The following IMPACT variants were observed in gnomAD, a reference collection of about 807,000 sequenced individuals.
IMPACT encodes protein IMPACT.
In IMPACT, 35 loss-of-function variants were observed where a neutral mutation model predicts 47.5. The observed-to-expected ratio is 0.74, with a 90% CI of 0.56 to 0.98. IMPACT has a LOEUF of 0.98. Among genes scored for constraint, IMPACT ranks in the 50% least tolerant of loss-of-function variants. The pLI, the probability that IMPACT is intolerant of heterozygous loss-of-function variation, is 0.00. For missense variants in IMPACT, 373 were observed against 394.8 expected (o/e 0.94, Z 0.47); for synonymous variants, 118 against 125.6 (o/e 0.94, Z 0.40).
intron 4 of IMPACT, among the ~76,000 whole-genome samples, chr18:24,437,127 T>G (rs909678036): frequency 2.6e-5 from 4 of 152,166 alleles, no homozygotes; most frequent in Admixed American, 1.3e-4. Context: ...TAAAGAGAGA[T>G]AATGGTTTCA....
At position 24,452,655 on chromosome 18, in the gene IMPACT, C is replaced by G. The variant is rs1305120578; in HGVS notation, c.*1808C>G. Reference sequence around the variant, plus strand: ...GAACTTGGAGCTACTTCACACTCTACTCTTAATGGAAACTTGAACTAATGA... The same window carrying G: ...GAACTTGGAGCTACTTCACACTCTAGTCTTAATGGAAACTTGAACTAATGA... On this transcript the variant is annotated 3_prime_UTR_variant, in exon 11 of 11. Transcript: ENST00000284202. 2.0e-5 allele frequency: 3 copies of G among 152,150 alleles called. No homozygotes were observed. The highest frequency in any genetic ancestry group is 6.5e-5 in the Admixed American group (1 of 15,276). 9.4% of individuals were successfully genotyped at this position (152,150 alleles called of 1,614,324 possible).
chr18:24,445,445 C>G lies in IMPACT; in HGVS notation c.647C>G (p.Thr216Ser). ...GAGAATAAGAAAATAGCTAGTGCCA[C>G]CCACAACATCTATGCCTACAGGTGA... ...LYENKKIASA[T>S]HNIYAYRIYC... Residue 216 changes from threonine to serine, a missense_variant, in exon 8 of 11, where the codon ACC becomes AGC. Physicochemically the swap from Thr to Ser is moderately conservative, Grantham distance 58 (BLOSUM62 1). Transcript: ENST00000284202. 3 of 1,605,042 alleles carry G rather than the reference C, an allele frequency of 1.9e-6. No homozygotes were observed. The highest frequency in any genetic ancestry group is 2.6e-6 in the Non-Finnish European group (3 of 1,175,326).
chr18:24,451,346 C>A lies in IMPACT; in HGVS notation c.*499C>A, dbSNP rs1180882717. On this transcript the variant is annotated 3_prime_UTR_variant, in exon 11 of 11. Coordinates refer to ENST00000284202, the MANE Select transcript of IMPACT (RefSeq NM_018439.4). ...GTGATTTTAGTTCATAAGTATGTCA[C>A]CTTTCATTTTATAGTGTTCATCATT... The A allele has an allele frequency of 6.6e-6, 1 of 152,232 alleles. No homozygotes were observed. The highest frequency in any genetic ancestry group is 2.4e-5 in the African/African-American group (1 of 41,414). The allele number at this position is 152,232 out of a possible 1,614,324, so 9.4% of individuals were successfully genotyped here.
intron 4 of IMPACT, among the ~76,000 whole-genome samples, chr18:24,434,763 C>CAAA (rs1189196177): frequency 0.26 from 11,716 of 45,050 alleles, 1,561 homozygotes; most frequent in Admixed American, 0.38. Context: ...AACTCTGTCT[C>CAAA]AAAAAAAAAA....
chr18:24,431,051 T>C (rs1908742925), intron 4 of IMPACT, among the ~76,000 whole-genome samples: 2 of 152,236 alleles, frequency 1.3e-5, no homozygotes, highest in Non-Finnish European at 2.9e-5. Flanking sequence ...CAGGTATGGC[T>C]AGCATGAACA....
intron 9 of IMPACT, among the ~76,000 whole-genome samples, chr18:24,448,565 G>T (rs535659955): frequency 2.0e-5 from 3 of 150,618 alleles, no homozygotes; most frequent in Non-Finnish European, 3.0e-5. Context: ...AAATTGAGTT[G>T]TCCATCTCAT....
At chr18:24,427,692 A>G in intron 1 of IMPACT, 1 of 493,606 alleles carries the variant, frequency 2.0e-6, no homozygotes, top group Non-Finnish European at 3.5e-6. Flanking sequence ...CCAAAAGCAC[A>G]GTAATGCAGT....
intron 8 of IMPACT, among the ~76,000 whole-genome samples, chr18:24,447,082 G>GA (rs1311465870): frequency 6.6e-6 from 1 of 151,934 alleles, no homozygotes; most frequent in Non-Finnish European, 1.5e-5. Context: ...TGTAAAAAAA[G>GA]AAAAAAGTAC....
intron 4 of IMPACT, among the ~76,000 whole-genome samples, chr18:24,430,763 G>C (rs1165480998): frequency 6.6e-6 from 1 of 152,002 alleles, no homozygotes; most frequent in Non-Finnish European, 1.5e-5. Flanking sequence ...AAAGTTATTT[G>C]CTAAAAGGAT....
chr18:24,426,998 GT>G, intron 1 of IMPACT: 1 of 394,234 alleles, frequency 2.5e-6, no homozygotes, highest in East Asian at 3.6e-5. Flanking sequence ...GGCGGCCGCG[GT>G]CTCGGCCTGT....
At chr18:24,444,945 C>A (rs1407213106) in intron 7 of IMPACT, among the ~76,000 whole-genome samples, 1 of 152,174 alleles carries the variant, frequency 6.6e-6, no homozygotes, top group Non-Finnish European at 1.5e-5. Context: ...ACTTATAAGA[C>A]CTGGCTCATG....
chr18:24,446,966 A>G (rs1909264169), intron 8 of IMPACT, among the ~76,000 whole-genome samples: 1 of 152,218 alleles, frequency 6.6e-6, no homozygotes, highest in South Asian at 2.1e-4. Context: ...TCAAGATCCC[A>G]TAGTTAAGTG....
intron 7 of IMPACT, 104 bp from the exon 8 acceptor site, chr18:24,445,289 G>A (rs1171037580): frequency 7.2e-6 from 5 of 695,688 alleles, no homozygotes; most frequent in East Asian, 2.7e-5. Flanking sequence ...GACTCTTTAA[G>A]TGACTATTTA....
intron 1 of IMPACT, 129 bp from the exon 2 acceptor site, chr18:24,427,790 C>T (rs1488932183): frequency 3.7e-6 from 3 of 810,098 alleles, no homozygotes; most frequent in Non-Finnish European, 5.6e-6. Flanking sequence ...AACTCTTGGC[C>T]TGGTGAGGCT....
intron 5 of IMPACT, chr18:24,439,534 G>A (rs1430277167): frequency 4.6e-5 from 7 of 151,910 alleles, no homozygotes; most frequent in African/African-American, 1.5e-4. Flanking sequence ...CTACTCGGGA[G>A]GCTGAGGCAG....
intron 6 of IMPACT, 114 bp downstream of exon 6, chr18:24,440,732 T>C (rs528291316): frequency 3.8e-5 from 39 of 1,031,844 alleles, no homozygotes; most frequent in African/African-American, 3.0e-4. Context: ...GAAGGAGTTA[T>C]TAATTTGCAG....
At chr18:24,445,496 T>A (rs762798113) in intron 8 of IMPACT, 30 bp downstream of exon 8, 3 of 1,334,788 alleles carry the variant, frequency 2.2e-6, no homozygotes, top group Admixed American at 4.6e-5. Flanking sequence ...TTTAGTATAC[T>A]CAGTTTGTTA....
In IMPACT at chr18:24,453,407, A is replaced by C. The variant is rs1909438021; in HGVS notation, c.*2560A>C. 1 of 152,108 alleles carries C rather than the reference A, an allele frequency of 6.6e-6. No homozygotes were observed. Among genetic ancestry groups the C allele is most frequent in the Non-Finnish European group, 1.5e-5 (1 of 68,012 alleles). 9.4% of individuals were successfully genotyped at this position (152,108 alleles called of 1,614,324 possible). ...TTTTCTTATGCATGATTTTGTATAT[A>C]TGGTTATTTTTCTTTCCATAAAAAT... On this transcript the variant is annotated 3_prime_UTR_variant, in exon 11 of 11. Transcript: ENST00000284202.
rs1416383731 is a variant in IMPACT at position 24,451,751 on chromosome 18, C to T, written c.*904C>T. On this transcript the variant is annotated 3_prime_UTR_variant, in exon 11 of 11. Transcript: ENST00000284202. Reference sequence around the variant, plus strand: ...GTGGCAGAATGAACCTGGTGTAGGGCAGGAGTATGTTGTGTAGTTACATCA... The same window carrying T: ...GTGGCAGAATGAACCTGGTGTAGGGTAGGAGTATGTTGTGTAGTTACATCA... The T allele has an allele frequency of 6.6e-6, 1 of 152,132 alleles. No individual in the cohort carries two copies. Among genetic ancestry groups the T allele is most frequent in the Non-Finnish European group, 1.5e-5 (1 of 68,026 alleles). 9.4% of individuals were successfully genotyped at this position (152,132 alleles called of 1,614,324 possible). A position where few individuals can be genotyped will look rare whatever the true frequency, so the allele number is the denominator to read the frequency against.
Sources: allele counts gnomAD v4.1 joint callset (sites outside exome capture counted in the v4.1 genomes callset), GRCh38; gene constraint gnomAD v4.1.1; transcripts MANE v1.5; gene names NCBI Gene and HGNC (gene_info 2026-07-23, HGNC 2026-07-21).